The following RPS6KA3 variants were observed in gnomAD, a reference collection of about 807,000 sequenced individuals.
RPS6KA3 encodes the protein ribosomal protein S6 kinase alpha-3.
Under a neutral mutation model 67.2 loss-of-function variants are expected in RPS6KA3, and 4 were observed. That is an observed-to-expected ratio of 0.06 (90% CI 0.03 to 0.14). The LOEUF (loss-of-function observed/expected upper bound fraction) is 0.14, where lower values mean the gene tolerates loss of function less well. Ranked by LOEUF, RPS6KA3 falls within the 10% of genes least tolerant of loss-of-function variation. The pLI is 1.00. For synonymous variants in RPS6KA3, 182 were observed against 183.7 expected (o/e 0.99, Z 0.07); for missense variants, 204 against 559.0 (o/e 0.36, Z 6.40).
At chrX:20,212,729 A>G (rs1397289403) in intron 2 of RPS6KA3, among the ~76,000 whole-genome samples, 1 of 109,708 alleles carries the variant, frequency 9.1e-6, no homozygotes, top group Non-Finnish European at 1.9e-5. Flanking sequence ...GCAGAGCAAG[A>G]CCCTGTCTCA....
rs750269091 is a variant in RPS6KA3, at chrX:20,155,612, G to A, written c.2101-92C>T. On this transcript the variant is annotated intron_variant, in intron 21 of 21. Coordinates refer to ENST00000379565, the MANE Select transcript of RPS6KA3 (RefSeq NM_004586.3). ...ATGAAGAGTTTTTTCATATGCAAAT[G>A]TACATAGATTTTATTTGGTTCATAA... 4.0e-6 allele frequency: 4 copies of A among 1,007,745 alleles called. No homozygotes were observed. The East Asian group carries it at 1.2e-4, about 31-fold the overall frequency. 83.0% of individuals were successfully genotyped at this position (1,007,745 alleles called of 1,213,427 possible).
intron 16 of RPS6KA3, among the ~76,000 whole-genome samples, chrX:20,168,538 G>A (rs1390447729): frequency 9.0e-6 from 1 of 111,549 alleles, no homozygotes; most frequent in East Asian, 2.8e-4. Flanking sequence ...TGTAGGCAGG[G>A]AAGTTAAATG....
intron 1 of RPS6KA3, among the ~76,000 whole-genome samples, chrX:20,246,746 TAAAC>T (rs1302376498): frequency 1.8e-5 from 2 of 112,156 alleles, no homozygotes; most frequent in Non-Finnish European, 1.9e-5. Flanking sequence ...AATTAACACT[TAAAC>T]ATATATATTC....
chrX:20,244,221 T>C, intron 1 of RPS6KA3, among the ~76,000 whole-genome samples: 1 of 111,850 alleles, frequency 8.9e-6, no homozygotes, highest in East Asian at 2.8e-4. Context: ...TGGAGTGCAG[T>C]GGTGCAATCT....
intron 1 of RPS6KA3, among the ~76,000 whole-genome samples, chrX:20,264,721 T>A (rs1425520035): frequency 8.9e-6 from 1 of 112,130 alleles, no homozygotes; most frequent in Non-Finnish European, 1.9e-5. Flanking sequence ...CTAAACGATA[T>A]TGTTTTCCTA....
At chrX:20,168,874 A>G (rs1001883949) in intron 16 of RPS6KA3, among the ~76,000 whole-genome samples, 1 of 111,807 alleles carries the variant, frequency 8.9e-6, no homozygotes, top group Non-Finnish European at 1.9e-5. Context: ...TGTTTTTGAG[A>G]CAGGGTCTTG....
At chrX:20,258,908 T>C (rs1316241607) in intron 1 of RPS6KA3, among the ~76,000 whole-genome samples, 6 of 112,031 alleles carry the variant, frequency 5.4e-5, no homozygotes, top group South Asian at 3.7e-4. Context: ...AGGCTAGCTT[T>C]CAATTTAAAG....
At chrX:20,240,313 TACCACCC>T (rs2069520335) in intron 1 of RPS6KA3, among the ~76,000 whole-genome samples, 1 of 76,488 alleles carries the variant, frequency 1.3e-5, no homozygotes, top group African/African-American at 6.8e-5. Flanking sequence ...TTTTTTTTTT[TACCACCC>T]TCAGGTTTCC....
intron 1 of RPS6KA3, among the ~76,000 whole-genome samples, chrX:20,260,743 AT>A (rs1330561963): frequency 1.8e-5 from 2 of 111,817 alleles, no homozygotes; most frequent in Non-Finnish European, 3.8e-5. Context: ...CTTTACATAT[AT>A]TATCATTTCA....
In RPS6KA3 at chrX:20,165,741, T is replaced by G. The variant is rs1204273338; in HGVS notation, c.1603-681A>C. 2.7e-5 allele frequency among the ~76,000 whole-genome samples: 3 copies of G among 111,820 alleles called. No homozygotes were observed. In the Admixed American group the frequency reaches 2.8e-4, roughly 11 times the overall value. ...GGAAAAAACCAAAACAAATCTGGAC[T>G]TTATTTTTGGTACTGCCTATTTGAT... On this transcript the variant is annotated intron_variant, in intron 17 of 21. Transcript: ENST00000379565.
In RPS6KA3 at chrX:20,165,007, A is replaced by G; in HGVS notation, c.1656T>C (p.Gly552=). ...PSNILYVDES[G]NPESIRICDF... is the part of the protein sequence containing the mutation. ...CACAAATTCGAATAGATTCCGGATT[A>G]CCAGATTCATCCACATAAAGAATGT... Residue 552 remains glycine (G), a synonymous_variant, in exon 18 of 22, where the codon GGT becomes GGC. Transcript: ENST00000379565. The G allele has an allele frequency of 8.3e-7, 1 of 1,204,942 alleles. No individual in the cohort carries two copies. Among genetic ancestry groups the G allele is most frequent in the Non-Finnish European group, 1.1e-6 (1 of 889,189 alleles).
At chrX:20,253,405 G>T (rs1379963255) in intron 1 of RPS6KA3, among the ~76,000 whole-genome samples, 2 of 111,090 alleles carry the variant, frequency 1.8e-5, no homozygotes, top group Non-Finnish European at 3.8e-5. Context: ...TAGTTTGGAG[G>T]CTTTCATAGC....
In RPS6KA3 at chrX:20,177,190, A is replaced by C. The variant is rs1394242697; in HGVS notation, c.846-106T>G. On this transcript the variant is annotated intron_variant, in intron 10 of 21. Coordinates refer to ENST00000379565, the MANE Select transcript of RPS6KA3 (RefSeq NM_004586.3). Reference sequence around the variant, plus strand: ...TTGAGATACTTGTAGATTCACACTCAGTTGTAAGAAATAATACAGAGAGAT... The same window carrying C: ...TTGAGATACTTGTAGATTCACACTCCGTTGTAAGAAATAATACAGAGAGAT... 1.2e-5 allele frequency: 7 copies of C among 565,176 alleles called. No homozygotes were observed. The East Asian group carries it at 2.2e-4, about 17-fold the overall frequency. The allele number at this position is 565,176 out of a possible 1,213,427, so 46.6% of individuals were successfully genotyped here. A position where few individuals can be genotyped will look rare whatever the true frequency, so the allele number is the denominator to read the frequency against.
intron 10 of RPS6KA3, among the ~76,000 whole-genome samples, chrX:20,179,150 T>TA (rs767754980): frequency 2.6e-4 from 29 of 111,975 alleles, no homozygotes; most frequent in African/African-American, 9.4e-4. Context: ...AGAGAAGGAA[T>TA]AAAAAATGAT....
At chrX:20,179,750 G>C (rs1361905700) in intron 10 of RPS6KA3, among the ~76,000 whole-genome samples, 1 of 111,403 alleles carries the variant, frequency 9.0e-6, no homozygotes, top group African/African-American at 3.3e-5. Context: ...GGGAAAGTTT[G>C]TTGAGAAAAT....
In RPS6KA3 at chrX:20,165,043, C is replaced by T. The variant is rs148873581; in HGVS notation, c.1620G>A (p.Leu540=). ...LHAQGVVHRD[L]KPSNILYVDE... ...CCACATAAAGAATGTTGCTAGGTTT[C>T]AAGTCTCTATGAACCACCTAATTGA... Residue 540 remains leucine (L), a synonymous_variant, in exon 18 of 22, where the codon TTG becomes TTA. Coordinates refer to ENST00000379565, the MANE Select transcript of RPS6KA3 (RefSeq NM_004586.3). 3 of 1,185,225 alleles carry T rather than the reference C, an allele frequency of 2.5e-6. No individual in the cohort carries two copies. The African/African-American group carries it at 5.3e-5, about 21-fold the overall frequency.
In RPS6KA3 at chrX:20,154,076, C is replaced by T. The variant is rs2067147147; in HGVS notation, c.*1322G>A. On this transcript the variant is annotated 3_prime_UTR_variant, in exon 22 of 22. Coordinates refer to ENST00000379565, the MANE Select transcript of RPS6KA3 (RefSeq NM_004586.3). ...TCATCAAATACGATTGTGGAAACTA[C>T]CAAATTAGATGCAGATAATGAATAC... 1 of 112,073 alleles carries T rather than the reference C, an allele frequency of 8.9e-6. No homozygotes were observed. Among genetic ancestry groups the T allele is most frequent in the Non-Finnish European group, 1.9e-5 (1 of 53,219 alleles). The allele number at this position is 112,073 out of a possible 1,213,427, so 9.2% of individuals were successfully genotyped here.
At chrX:20,175,327 A>G (rs1167777194) in intron 13 of RPS6KA3, 39 bp from the exon 14 acceptor site, 1 of 1,181,021 alleles carries the variant, frequency 8.5e-7, no homozygotes, top group Non-Finnish European at 1.2e-6. Context: ...ATTCATTTGA[A>G]AGGAAATTAA....
At chrX:20,180,270 G>A (rs763000186) in intron 10 of RPS6KA3, among the ~76,000 whole-genome samples, 2 of 110,509 alleles carry the variant, frequency 1.8e-5, no homozygotes, top group Non-Finnish European at 3.8e-5. Context: ...CTTAAAGTGG[G>A]GGCAACCAGG....
Sources: gnomAD v4.1 joint callset for allele counts (sites outside exome capture counted in the v4.1 genomes callset) on GRCh38, gnomAD v4.1.1 for gene constraint, MANE v1.5 for transcripts, NCBI Gene and HGNC (gene_info 2026-07-23, HGNC 2026-07-21) for gene names.